Variants in C13orf42 observed in about 807,000 individuals in gnomAD.
The protein encoded by C13orf42 is uncharacterized protein C13orf42.
At chr13:51,117,124 A>C (rs1468894444) in intron 1 of C13orf42, among the ~76,000 whole-genome samples, 1 of 152,282 alleles carries the variant, frequency 6.6e-6, no homozygotes, top group Non-Finnish European at 1.5e-5. Flanking sequence ...TAGGAAGCTA[A>C]GATGGCCATC....
intron 1 of C13orf42, among the ~76,000 whole-genome samples, chr13:51,091,478 C>T (rs1262409674): frequency 1.3e-5 from 2 of 152,148 alleles, no homozygotes; most frequent in Admixed American, 6.5e-5. Context: ...CTACTTAGCC[C>T]TGCCTGCCTT....
chr13:51,139,375 G>A (rs1465664776), intron 1 of C13orf42, among the ~76,000 whole-genome samples: 1 of 152,140 alleles, frequency 6.6e-6, no homozygotes, highest in East Asian at 1.9e-4. Flanking sequence ...TGGCTGCCAG[G>A]GGCTGGGGAG....
chr13:51,116,035 T>A (rs931637649), upstream of C13orf42, among the ~76,000 whole-genome samples: 7 of 150,954 alleles, frequency 4.6e-5, no homozygotes, highest in East Asian at 1.4e-3. Flanking sequence ...CTCTACACCA[T>A]CCCTTCTTAC....
intron 1 of C13orf42, among the ~76,000 whole-genome samples, chr13:51,169,286 C>G (rs981653554): frequency 6.6e-5 from 10 of 152,170 alleles, no homozygotes; most frequent in Non-Finnish European, 1.3e-4. Context: ...CTGAAGAGGT[C>G]TCAGATGGAG....
At chr13:51,141,122 GT>G (rs1953693150) in intron 1 of C13orf42, among the ~76,000 whole-genome samples, 1 of 150,894 alleles carries the variant, frequency 6.6e-6, no homozygotes, top group Non-Finnish European at 1.5e-5. Flanking sequence ...GTGTGTGTGT[GT>G]GTGTGTGTGT....
chr13:51,148,955 AG>A (rs1953758158), intron 1 of C13orf42, among the ~76,000 whole-genome samples: 1 of 152,164 alleles, frequency 6.6e-6, no homozygotes, highest in Non-Finnish European at 1.5e-5. Context: ...TACTCTGCAG[AG>A]GGGAATGGGT....
intron 1 of C13orf42, among the ~76,000 whole-genome samples, chr13:51,089,511 G>A (rs1432391933): frequency 1.3e-5 from 2 of 151,980 alleles, no homozygotes; most frequent in African/African-American, 4.8e-5. Context: ...TAAAAGTGTG[G>A]CACCTCCCCT....
chr13:51,088,751 C>A (rs957612715), intron 1 of C13orf42, among the ~76,000 whole-genome samples: 1 of 152,110 alleles, frequency 6.6e-6, no homozygotes, highest in Non-Finnish European at 1.5e-5. Flanking sequence ...ACCAAATTTA[C>A]ACTCAAATCG....
At chr13:51,156,502 T>C (rs1953825049) in intron 1 of C13orf42, among the ~76,000 whole-genome samples, 1 of 152,176 alleles carries the variant, frequency 6.6e-6, no homozygotes, top group Non-Finnish European at 1.5e-5. Context: ...GAGCTGGAAC[T>C]CAAACCCAGG....
At chr13:51,153,568 C>T (rs889424245) in intron 1 of C13orf42, among the ~76,000 whole-genome samples, 8 of 150,610 alleles carry the variant, frequency 5.3e-5, no homozygotes, top group Middle Eastern at 3.5e-3. Context: ...AAGTGTACTG[C>T]TCAGTTGTGT....
chr13:51,160,588 G>C (rs917314611), intron 1 of C13orf42, among the ~76,000 whole-genome samples: 1 of 152,196 alleles, frequency 6.6e-6, no homozygotes, highest in Non-Finnish European at 1.5e-5. Flanking sequence ...GAGCCAGGAA[G>C]CAAGCCTCCC....
At chr13:51,105,989 A>C (rs1356329514) in intron 1 of C13orf42, among the ~76,000 whole-genome samples, 1 of 152,212 alleles carries the variant, frequency 6.6e-6, no homozygotes, top group East Asian at 1.9e-4. Context: ...ATTTCAGGAC[A>C]TAATACCTAC....
chr13:51,132,424 C>T (rs766323817), intron 1 of C13orf42, among the ~76,000 whole-genome samples: 2 of 150,380 alleles, frequency 1.3e-5, no homozygotes, highest in Non-Finnish European at 3.0e-5. Context: ...AGACAGACTC[C>T]GTCTCAAAAA....
chr13:51,136,499 G>C (rs1332417610), intron 1 of C13orf42, among the ~76,000 whole-genome samples: 1 of 152,158 alleles, frequency 6.6e-6, no homozygotes, highest in Non-Finnish European at 1.5e-5. Flanking sequence ...CCGTCTAAGT[G>C]CTATCAAAAA....
chr13:51,085,466 T>C lies in C13orf42; in HGVS notation c.656A>G (p.His219Arg), dbSNP rs1953112152. The C allele has an allele frequency of 5.0e-6, 2 of 398,632 alleles. No individual in the cohort carries two copies. Among genetic ancestry groups the C allele is most frequent in the South Asian group, 1.3e-4 (1 of 7,860 alleles). The allele number at this position is 398,632 out of a possible 1,614,324, so 24.7% of individuals were successfully genotyped here. A position where few individuals can be genotyped will look rare whatever the true frequency, so the allele number is the denominator to read the frequency against. The change falls in exon 3 of 4, where the codon CAT (histidine) becomes CGT (arginine). Residue 219 changes from histidine to arginine, a missense_variant. His to Arg is a conservative substitution (Grantham distance 29). Coordinates refer to ENST00000563710, the MANE Select transcript of C13orf42 (RefSeq NM_001351589.3). ...CCTTCGAAACTGGCCGTCTACAGTATGCACAGTGTGGGCAGCGATATCCTC... is the reference window on the plus strand; with the variant it reads ...CCTTCGAAACTGGCCGTCTACAGTACGCACAGTGTGGGCAGCGATATCCTC... ...HSEDIAAHTV[H>R]TVDGQFRRST...
intron 1 of C13orf42, among the ~76,000 whole-genome samples, chr13:51,101,400 A>T (rs575118934): frequency 1.7e-4 from 26 of 152,332 alleles, no homozygotes; most frequent in South Asian, 4.1e-4. Flanking sequence ...ATTATCAGAA[A>T]AAAATGTATA....
intron 1 of C13orf42, among the ~76,000 whole-genome samples, chr13:51,105,066 A>C (rs1953337789): frequency 6.6e-6 from 1 of 152,106 alleles, no homozygotes; most frequent in Non-Finnish European, 1.5e-5. Context: ...TTTCACAGAC[A>C]TTTTTCTCTC....
chr13:51,096,024 T>G (rs1479826961), intron 1 of C13orf42, among the ~76,000 whole-genome samples: 2 of 152,196 alleles, frequency 1.3e-5, no homozygotes, highest in East Asian at 3.8e-4. Context: ...AGTTTGGTTT[T>G]GAGTCAATCT....
chr13:51,102,566 G>A (rs986978568), intron 1 of C13orf42, among the ~76,000 whole-genome samples: 7 of 152,154 alleles, frequency 4.6e-5, no homozygotes, highest in African/African-American at 1.7e-4. Context: ...CTTGTAACAG[G>A]TGACTTTCAT....
Sources: allele counts gnomAD v4.1 joint callset (sites outside exome capture counted in the v4.1 genomes callset), GRCh38; gene constraint gnomAD v4.1.1; transcripts MANE v1.5; gene names NCBI Gene and HGNC (gene_info 2026-07-23, HGNC 2026-07-21).